The following COL6A3 variants were observed in gnomAD, a reference collection of about 807,000 sequenced individuals.
The protein encoded by COL6A3 is collagen type VI alpha 3 chain.
COL6A3 carries 137 observed loss-of-function variants against 274.1 expected under a neutral mutation model. The observed-to-expected ratio is 0.50, with a 90% CI of 0.44 to 0.58. The LOEUF (loss-of-function observed/expected upper bound fraction) is 0.58. COL6A3 is among the 20% of genes least tolerant of loss of function. The probability of loss-of-function intolerance (pLI) is 0.00; values close to 1 mark genes in which losing one functional copy is unlikely to be tolerated. For missense variants in COL6A3, 3,950 were observed against 4,124.9 expected, an observed-to-expected ratio of 0.96 and a Z score of 1.16; for synonymous variants, 1,650 against 1,650.6, an observed-to-expected ratio of 1.00 and a Z score of 0.01.
In COL6A3 at chr2:237,359,118, C is replaced by T. The variant is rs771762514; in HGVS notation, c.6355-30G>A. 11 of 1,613,982 alleles carry T rather than the reference C, an allele frequency of 6.8e-6. No homozygotes were observed. The South Asian group carries it at 1.1e-4, about 16-fold the overall frequency. ...CAAAGACAAGGATTAAAGGTCACAC[C>T]TGCTGCAATTTCTATCACAGACTGA... On this transcript the variant is annotated intron_variant, in intron 19 of 43. Transcript: ENST00000295550.
At chr2:237,351,063 G>T in intron 27 of COL6A3, 67 bp downstream of exon 27, 2 of 1,456,750 alleles carry the variant, frequency 1.4e-6, no homozygotes, top group Admixed American at 1.7e-5. Flanking sequence ...TGACCAAAGA[G>T]GGAGAGGGGC....
chr2:237,409,949 C>A (rs1172632308), intron 1 of COL6A3, among the ~76,000 whole-genome samples: 1 of 152,136 alleles, frequency 6.6e-6, no homozygotes, highest in Non-Finnish European at 1.5e-5. Flanking sequence ...TGTTTGGGAA[C>A]AAAGATGCCT....
intron 20 of COL6A3, 25 bp downstream of exon 20, chr2:237,359,010 A>C (rs2077377254): frequency 1.2e-6 from 2 of 1,608,102 alleles, no homozygotes; most frequent in African/African-American, 1.3e-5. Flanking sequence ...TTTCCATAAT[A>C]GCACCACCGT....
intron 42 of COL6A3, chr2:237,326,039 A>C: frequency 4.6e-6 from 1 of 217,288 alleles, no homozygotes; most frequent in Non-Finnish European, 9.1e-6. Context: ...TCCCCTTTCC[A>C]ATCACTGGGC....
rs61011958 is a variant in COL6A3 at position 237,332,115 on chromosome 2, A to AT, written c.9328+1334dup. On this transcript the variant is annotated intron_variant, in intron 42 of 43. Transcript: ENST00000295550. The stretch of plus-strand genomic sequence containing the variant: ...TATATATATATATATATATATATAT[A>AT]TATGAAAAGAAAAACAAAACAGCCC... Among the ~76,000 whole-genome samples the AT allele has an allele frequency of 4.3e-3, 441 of 103,572 alleles. 87 individuals are homozygous for AT. Among genetic ancestry groups the AT allele is most frequent in the Non-Finnish European group, 5.8e-3 (289 of 49,846 alleles). The allele number at this position is 103,572 out of a possible 152,430, so 67.9% of individuals were successfully genotyped here. A position where few individuals can be genotyped will look rare whatever the true frequency, so the allele number is the denominator to read the frequency against.
rs140662372 is a variant in COL6A3 at position 237,383,538 on chromosome 2, T to C, written c.1313-2039A>G. Among the ~76,000 whole-genome samples, 399 of 152,206 alleles carry C rather than the reference T, an allele frequency of 2.6e-3. 1 individual carries two copies. The highest frequency in any genetic ancestry group is 8.3e-3 in the African/African-American group (344 of 41,534). ...CCATTAGAGAGAATATATATGTATA[T>C]AGATACACACATACACGTATATAGA... On this transcript the variant is annotated intron_variant, in intron 4 of 43. Transcript: ENST00000295550.
In COL6A3 at chr2:237,366,936, T is replaced by C; in HGVS notation, c.5251A>G (p.Thr1751Ala). Residue 1751 changes from threonine to alanine, a missense_variant, in exon 11 of 44, where the codon ACG becomes GCG. This residue lies in a region of COL6A3 where 632 missense variants were observed against 623.4 expected (regional missense o/e 1.01). Coordinates refer to ENST00000295550, the MANE Select transcript of COL6A3 (RefSeq NM_004369.4). ...GCATCTTCCACCGACTTTCCTCCCG[T>C]GATCACAAAGGCAATCTGAGGGACC... Reference protein sequence around the residue: ...QRVPQIAFVITGGKSVEDAQD... With the variant: ...QRVPQIAFVIAGGKSVEDAQD... 6.2e-7 allele frequency: 1 copy of C among 1,614,236 alleles called. No individual in the cohort carries two copies. Among genetic ancestry groups the C allele is most frequent in the Non-Finnish European group, 8.5e-7 (1 of 1,180,036 alleles).
rs761011715 is a variant in COL6A3 at position 237,396,785 on chromosome 2, G to T, written c.33C>A (p.Ala11=). The T allele has an allele frequency of 2.5e-6, 4 of 1,614,138 alleles. No individual in the cohort carries two copies. The highest frequency in any genetic ancestry group is 3.4e-6 in the Non-Finnish European group (4 of 1,180,034). ...AGCCTGAGAGAAAGAGGCAAAAGAC[G>T]GCCACTAAGGGCAAGTGCCGATGTT... The part of the protein sequence containing the change: MRKHRHLPLV[A]VFCLFLSGFP... Residue 11 remains alanine (A), a synonymous_variant, in exon 2 of 44, where the codon GCC becomes GCA. Coordinates refer to ENST00000295550, the MANE Select transcript of COL6A3 (RefSeq NM_004369.4).
At position 237,379,098 on chromosome 2, in the gene COL6A3, C is replaced by G; in HGVS notation, c.2035G>C (p.Gly679Arg). 6.2e-7 allele frequency: 1 copy of G among 1,614,204 alleles called. No homozygotes were observed. The highest frequency in any genetic ancestry group is 8.5e-7 in the Non-Finnish European group (1 of 1,180,036). Residue 679 changes from glycine to arginine, a missense_variant, in exon 6 of 44, where the codon GGT (glycine) becomes CGT (arginine). This residue lies in a region of COL6A3 where 1,934 missense variants were observed against 1,984.3 expected (regional missense o/e 0.97). Coordinates refer to ENST00000295550, the MANE Select transcript of COL6A3 (RefSeq NM_004369.4). ...LDIGNDNIRVGLVQFSDTPVT... is the reference protein window; with the variant it reads ...LDIGNDNIRVRLVQFSDTPVT... ...GGAGTGTCACTAAATTGCACTAAAC[C>G]AACACGAATATTGTCATTTCCAATA...
intron 3 of COL6A3, among the ~76,000 whole-genome samples, chr2:237,392,998 C>T (rs1193862737): frequency 1.3e-5 from 2 of 152,228 alleles, no homozygotes; most frequent in African/African-American, 4.8e-5. Flanking sequence ...CCTTCCGAGA[C>T]CTGGCCTCTC....
chr2:237,334,502 C>CTGG, intron 41 of COL6A3, 124 bp downstream of exon 41: 1 of 1,042,868 alleles, frequency 9.6e-7, no homozygotes, highest in Non-Finnish European at 1.4e-6. Context: ...GTTGTTGTTG[C>CTGG]TGTTGTTGTT....
chr2:237,359,077 TC>T lies in COL6A3; in HGVS notation c.6365del (p.Gly2122AspfsTer120), dbSNP rs777286611. 6.2e-7 allele frequency: 1 copy of T among 1,614,142 alleles called. No homozygotes were observed. Among genetic ancestry groups the T allele is most frequent in the Non-Finnish European group, 8.5e-7 (1 of 1,179,984 alleles). On this transcript the variant is annotated frameshift_variant, in exon 20 of 44. Coordinates refer to ENST00000295550, the MANE Select transcript of COL6A3 (RefSeq NM_004369.4). LOFTEE classifies it high-confidence loss of function. ...CTTTCTCTCCAGAAGAACCAGGCAA[TC>T]CTTTGTCTCCCTGCCAAAGACAAGG... is the stretch of plus-strand genomic sequence containing the variant. ...DGLDGEDGDK[G>X]LPGSSGEKGN...
Position 237,339,098 on chromosome 2 carries a change from C to G in COL6A3, c.8484G>C (p.Leu2828Phe). 6.2e-7 allele frequency: 1 copy of G among 1,613,320 alleles called. No individual in the cohort carries two copies. The highest frequency in any genetic ancestry group is 8.5e-7 in the Non-Finnish European group (1 of 1,179,582). The change falls in exon 39 of 44, where the codon TTG (leucine) becomes TTC (phenylalanine). Residue 2828 changes from leucine (L) to phenylalanine (F), a missense_variant. By Grantham distance (22) the Leu-to-Phe change is conservative. This residue lies in a region of COL6A3 where 1,284 missense variants were observed against 1,349.7 expected (regional missense o/e 0.95). Coordinates refer to ENST00000295550, the MANE Select transcript of COL6A3 (RefSeq NM_004369.4). ...CACACTGTTTCCTGATATCTGGGGA[C>G]AAGTAAAAAGCATTTTCACCTAAAG... is the stretch of plus-strand genomic sequence containing the variant. ...SFVSSENAFY[L>F]SPDIRKQCDW...
chr2:237,346,404 C>T, intron 32 of COL6A3, 99 bp downstream of exon 32: 6 of 1,007,352 alleles, frequency 6.0e-6, no homozygotes, highest in Non-Finnish European at 7.9e-6. Context: ...AAAGAGAGCA[C>T]ATTTTCTTGT....
rs1182500640 is a variant in COL6A3, at chr2:237,372,163, A to T, written c.3854T>A (p.Leu1285Gln). 1 of 1,614,158 alleles carries T rather than the reference A, an allele frequency of 6.2e-7. No homozygotes were observed. The highest frequency in any genetic ancestry group is 1.7e-5 in the Admixed American group (1 of 60,032). Residue 1285 changes from leucine to glutamine, a missense_variant, in exon 9 of 44, where the codon CTG (leucine) becomes CAG (glutamine). Transcript: ENST00000295550. ...ATCCTTGCTGGAATGGGCGTTCAGC[A>T]GGAACTCCACCTTGGGGTCATCGCT... ...QFSDDPKVEFLLNAHSSKDEV... is the reference protein window; with the variant it reads ...QFSDDPKVEFQLNAHSSKDEV...
chr2:237,381,545 C>T (rs1301535172), intron 4 of COL6A3, 46 bp from the exon 5 acceptor site: 1 of 1,433,772 alleles, frequency 7.0e-7, no homozygotes, highest in Admixed American at 1.8e-5. Flanking sequence ...CCTTACCAAG[C>T]ACAATCAACA....
At chr2:237,401,569 G>A (rs975946941) in intron 1 of COL6A3, among the ~76,000 whole-genome samples, 1 of 152,108 alleles carries the variant, frequency 6.6e-6, no homozygotes, top group Non-Finnish European at 1.5e-5. Flanking sequence ...TGAGCACAGA[G>A]TATGGCAAAA....
At chr2:237,384,129 C>T (rs551153550) in intron 4 of COL6A3, among the ~76,000 whole-genome samples, 9 of 152,098 alleles carry the variant, frequency 5.9e-5, no homozygotes, top group Non-Finnish European at 1.0e-4. Flanking sequence ...ATGACTCTGA[C>T]GCAATTCACC....
intron 1 of COL6A3, among the ~76,000 whole-genome samples, chr2:237,406,727 G>T (rs946915193): frequency 3.9e-5 from 6 of 152,102 alleles, no homozygotes; most frequent in African/African-American, 1.4e-4. Context: ...ATTAAGTCCT[G>T]CAATTAGGGT....
Sources: gnomAD v4.1 joint callset for allele counts (sites outside exome capture counted in the v4.1 genomes callset) on GRCh38, gnomAD v4.1.1 for gene constraint, gnomAD v4.1.1 regional missense constraint, MANE v1.5 for transcripts, NCBI Gene and HGNC (gene_info 2026-07-23, HGNC 2026-07-21) for gene names.